NCAM1: variants seen among roughly 807,000 people sequenced by gnomAD.
NCAM1 encodes the protein neural cell adhesion molecule 1, also known as antigen recognized by monoclonal antibody 5.1H11.
A neutral mutation model predicts 109.8 loss-of-function variants in NCAM1; 14 were observed. That is an observed-to-expected ratio of 0.13 (90% CI 0.08 to 0.20). NCAM1 has a LOEUF of 0.20. Ranked by LOEUF, NCAM1 falls within the 10% of genes least tolerant of loss-of-function variation. NCAM1 has a pLI of 1.00. For synonymous variants in NCAM1, 418 were observed against 442.9 expected (o/e 0.94, Z 0.70); for missense variants, 774 against 1,109.9 (o/e 0.70, Z 4.30).
chr11:113,031,704 A>G (rs1952725518), intron 1 of NCAM1, among the ~76,000 whole-genome samples: 1 of 152,038 alleles, frequency 6.6e-6, no homozygotes, highest in Non-Finnish European at 1.5e-5. Context: ...AAAGAAAAGA[A>G]AAAGAAAAAG....
At chr11:113,009,480 C>T (rs576371308) in intron 1 of NCAM1, among the ~76,000 whole-genome samples, 1 of 151,584 alleles carries the variant, frequency 6.6e-6, no homozygotes, top group Non-Finnish European at 1.5e-5. Flanking sequence ...GCCCACCACG[C>T]CTGGGGAATT....
At chr11:113,255,744 G>T in intron 15 of NCAM1, 133 bp from the exon 16 acceptor site, 4 of 1,028,736 alleles carry the variant, frequency 3.9e-6, no homozygotes, top group Non-Finnish European at 5.6e-6. Flanking sequence ...TATATTTATT[G>T]CTTTTTAACC....
chr11:113,008,963 C>G (rs781976461), intron 1 of NCAM1, among the ~76,000 whole-genome samples: 1 of 152,192 alleles, frequency 6.6e-6, no homozygotes, highest in Non-Finnish European at 1.5e-5. Context: ...AAGCTGCAAA[C>G]TGTCCTGTGT....
intron 1 of NCAM1, among the ~76,000 whole-genome samples, chr11:113,080,503 G>A (rs908567207): frequency 6.7e-6 from 1 of 149,898 alleles, no homozygotes; most frequent in African/African-American, 2.5e-5. Context: ...TGTCAGTCAA[G>A]TTTGATGCGG....
At chr11:113,117,304 C>T (rs1253526558) in intron 1 of NCAM1, among the ~76,000 whole-genome samples, 1 of 151,932 alleles carries the variant, frequency 6.6e-6, no homozygotes, top group Admixed American at 6.6e-5. Flanking sequence ...CTGCAGGGGT[C>T]TTCAGACAGT....
chr11:113,156,352 T>A (rs1427889389), intron 1 of NCAM1, among the ~76,000 whole-genome samples: 1 of 151,998 alleles, frequency 6.6e-6, no homozygotes, highest in Non-Finnish European at 1.5e-5. Context: ...AAAACATAGA[T>A]GAAAATTGAA....
chr11:113,129,070 A>G (rs960446049), intron 1 of NCAM1, among the ~76,000 whole-genome samples: 1 of 152,108 alleles, frequency 6.6e-6, no homozygotes, highest in Admixed American at 6.5e-5. Flanking sequence ...GTACAGTTTA[A>G]GGGAGGCTTT....
intron 1 of NCAM1, among the ~76,000 whole-genome samples, chr11:113,177,593 C>T (rs182245820): frequency 6.6e-6 from 1 of 152,166 alleles, no homozygotes; most frequent in Admixed American, 6.5e-5. Flanking sequence ...ACCACCACAC[C>T]CAGCTAATTT....
Position 113,245,156 on chromosome 11 carries a change from T to A in NCAM1, c.1826-1212T>A, listed in dbSNP as rs192449332. On this transcript the variant is annotated intron_variant, in intron 14 of 19. Coordinates refer to ENST00000316851, the MANE Select transcript of NCAM1 (RefSeq NM_181351.5). ...CAGTGCAACCACGATTCTAAAGATA[T>A]AACTTTAACCACAACAGGTTGGGTG... 1.2e-4 allele frequency among the ~76,000 whole-genome samples: 18 copies of A among 152,154 alleles called. No individual in the cohort carries two copies. In the East Asian group the frequency reaches 3.3e-3, roughly 28 times the overall value.
chr11:113,060,289 C>T (rs1265181171), intron 1 of NCAM1, among the ~76,000 whole-genome samples: 1 of 152,124 alleles, frequency 6.6e-6, no homozygotes, highest in African/African-American at 2.4e-5. Context: ...ATTGCTGCTG[C>T]CTGTTTTTTG....
chr11:113,197,596 GTC>G (rs1555111055), intron 1 of NCAM1, among the ~76,000 whole-genome samples: 1 of 152,164 alleles, frequency 6.6e-6, no homozygotes, highest in Non-Finnish European at 1.5e-5. Flanking sequence ...GCTTGGGTGT[GTC>G]TACATTGGCC....
intron 14 of NCAM1, chr11:113,236,449 C>T: frequency 1.1e-6 from 1 of 925,888 alleles, no homozygotes; most frequent in Non-Finnish European, 1.7e-6. Context: ...GCCCTAACCA[C>T]ACTGACCTTA....
chr11:113,030,406 T>A (rs1409704606), intron 1 of NCAM1, among the ~76,000 whole-genome samples: 1 of 152,214 alleles, frequency 6.6e-6, no homozygotes, highest in Non-Finnish European at 1.5e-5. Context: ...GATAAGAGGA[T>A]CTAGCAGTCT....
chr11:113,169,713 G>A lies in NCAM1; in HGVS notation c.53-32666G>A, dbSNP rs190143527. On this transcript the variant is annotated intron_variant, in intron 1 of 19. Coordinates refer to ENST00000316851, the MANE Select transcript of NCAM1 (RefSeq NM_181351.5). ...TGCGATCTCGGCTCACTGCAACCTCGGCCTTCCGGGTTCAAGCGATTCTCC... is the reference window on the plus strand; with the variant it reads ...TGCGATCTCGGCTCACTGCAACCTCAGCCTTCCGGGTTCAAGCGATTCTCC... 6.7e-5 allele frequency among the ~76,000 whole-genome samples: 10 copies of A among 148,614 alleles called. No individual in the cohort carries two copies. The East Asian group carries it at 8.1e-4, about 12-fold the overall frequency.
chr11:112,977,885 T>C (rs1237965264), intron 1 of NCAM1, among the ~76,000 whole-genome samples: 1 of 151,834 alleles, frequency 6.6e-6, no homozygotes, highest in Non-Finnish European at 1.5e-5. Context: ...AGAAGTCCAA[T>C]AGTGTGCCTG....
chr11:113,096,541 C>T lies in NCAM1; in HGVS notation c.53-105838C>T, dbSNP rs1446657823. On this transcript the variant is annotated intron_variant, in intron 1 of 19. Transcript: ENST00000316851. ...AGCTCCGAGGTCAGGGAATGCTTCT[C>T]GATGGAAATTGAACCCTGAGTATGT... 3.3e-5 allele frequency among the ~76,000 whole-genome samples: 5 copies of T among 152,082 alleles called. No individual in the cohort carries two copies. The South Asian group carries it at 8.3e-4, about 25-fold the overall frequency.
chr11:113,014,614 A>ATTTTATAACATGACTC (rs1952161593), intron 1 of NCAM1, among the ~76,000 whole-genome samples: 1 of 152,248 alleles, frequency 6.6e-6, no homozygotes, highest in Non-Finnish European at 1.5e-5. Context: ...AAACGTCAAC[A>ATTTTATAACATGACTC]TAAGAGAAGT....
chr11:113,177,808 G>C (rs181637605), intron 1 of NCAM1, among the ~76,000 whole-genome samples: 2 of 152,090 alleles, frequency 1.3e-5, no homozygotes, highest in Non-Finnish European at 2.9e-5. Context: ...GCCTGGAGCC[G>C]CTGAGGTGGG....
chr11:113,231,514 A>G, intron 9 of NCAM1, 131 bp from the exon 10 acceptor site: 1 of 998,924 alleles, frequency 1.0e-6, no homozygotes, highest in Non-Finnish European at 1.5e-6. Context: ...TGACACAGAG[A>G]GGAGAGAGGA....
Sources: gnomAD v4.1 joint callset for allele counts (sites outside exome capture counted in the v4.1 genomes callset) on GRCh38, gnomAD v4.1.1 for gene constraint, MANE v1.5 for transcripts, NCBI Gene and HGNC (gene_info 2026-07-23, HGNC 2026-07-21) for gene names.